The following SPON1 variants were observed in gnomAD, a reference collection of about 807,000 sequenced individuals.
SPON1 encodes spondin 1.
A neutral mutation model predicts 111.7 loss-of-function variants in SPON1; 52 were observed. The ratio of observed to expected loss-of-function variants is 0.47; its 90% CI spans 0.37 to 0.59. The LOEUF (loss-of-function observed/expected upper bound fraction) is 0.59, where lower values mean the gene tolerates loss of function less well. SPON1 is among the 20% of genes least tolerant of loss of function. SPON1 has a pLI of 0.00. For missense variants in SPON1, 957 were observed against 1,068.5 expected (o/e 0.90, Z 1.46); for synonymous variants, 410 against 395.8 (o/e 1.04, Z -0.43).
chr11:14,113,328 A>C (rs1472099842), intron 5 of SPON1, among the ~76,000 whole-genome samples: 1 of 152,170 alleles, frequency 6.6e-6, no homozygotes, highest in African/African-American at 2.4e-5. Flanking sequence ...ATGGGCTGCA[A>C]GTTTCAGAAA....
chr11:14,160,772 ATATATATT>A (rs1847924420), intron 6 of SPON1, among the ~76,000 whole-genome samples: 1 of 41,812 alleles, frequency 2.4e-5, no homozygotes, highest in Non-Finnish European at 4.0e-5. Flanking sequence ...TTATATATTT[ATATATATT>A]TTTATATATA....
intron 6 of SPON1, among the ~76,000 whole-genome samples, chr11:14,222,420 A>G (rs1323033148): frequency 2.6e-5 from 4 of 152,342 alleles, no homozygotes; most frequent in Non-Finnish European, 5.9e-5. Flanking sequence ...TCCAGTGACC[A>G]GTGACCTTGA....
chr11:14,130,976 A>G (rs1847521430), intron 5 of SPON1, among the ~76,000 whole-genome samples: 2 of 152,224 alleles, frequency 1.3e-5, no homozygotes, highest in Non-Finnish European at 2.9e-5. Flanking sequence ...GTTTGAGAAC[A>G]AACACAACAC....
intron 3 of SPON1, among the ~76,000 whole-genome samples, chr11:14,063,280 G>T (rs1009909953): frequency 6.6e-6 from 1 of 151,910 alleles, no homozygotes; most frequent in Non-Finnish European, 1.5e-5. Context: ...AAACATGAGT[G>T]GTTTACCATT....
chr11:13,970,281 C>G (rs1554908461), intron 1 of SPON1, among the ~76,000 whole-genome samples: 1 of 152,114 alleles, frequency 6.6e-6, no homozygotes, highest in African/African-American at 2.4e-5. Flanking sequence ...TTTGTGAGGT[C>G]TATGTAGAGC....
chr11:14,085,650 C>T (rs534822744), intron 5 of SPON1, among the ~76,000 whole-genome samples: 14 of 151,980 alleles, frequency 9.2e-5, no homozygotes, highest in South Asian at 6.2e-4. Flanking sequence ...TAGTTCCATA[C>T]GAAATTTAAA....
intron 13 of SPON1, 77 bp from the exon 14 acceptor site, chr11:14,260,511 G>C: frequency 6.7e-7 from 1 of 1,498,308 alleles, no homozygotes; most frequent in Non-Finnish European, 9.1e-7. Context: ...GACTCGGTGT[G>C]GAACACTGTG....
intron 2 of SPON1, among the ~76,000 whole-genome samples, chr11:13,998,128 C>T (rs1046973237): frequency 6.6e-6 from 1 of 152,304 alleles, no homozygotes. Flanking sequence ...TCAGATTCCA[C>T]TGCCTGCCCA....
At chr11:13,967,304 A>G (rs1261475165) in intron 1 of SPON1, among the ~76,000 whole-genome samples, 1 of 152,232 alleles carries the variant, frequency 6.6e-6, no homozygotes, top group Non-Finnish European at 1.5e-5. Flanking sequence ...AGAACAACAA[A>G]TCAAGATAGT....
At chr11:14,119,695 C>A (rs1220128511) in intron 5 of SPON1, among the ~76,000 whole-genome samples, 1 of 152,186 alleles carries the variant, frequency 6.6e-6, no homozygotes, top group African/African-American at 2.4e-5. Flanking sequence ...CAGACTCCTC[C>A]TGCAAGCTGT....
rs1471017524 is a variant in SPON1, at chr11:14,123,399, A to AT, written c.677-12021_677-12020insT. Among the ~76,000 whole-genome samples the AT allele has an allele frequency of 2.0e-5, 3 of 152,208 alleles. No homozygotes were observed. In the East Asian group the frequency reaches 5.8e-4, roughly 29 times the overall value. Reference sequence around the variant, plus strand: ...CTAAGCTGTGTTGGGGTAAGTCTAGAGTAGCCTTTACTCTAGGGCTAATGT... The same window carrying AT: ...CTAAGCTGTGTTGGGGTAAGTCTAGATGTAGCCTTTACTCTAGGGCTAATGT... On this transcript the variant is annotated intron_variant, in intron 5 of 15. Coordinates refer to ENST00000576479, the MANE Select transcript of SPON1 (RefSeq NM_006108.4).
intron 2 of SPON1, among the ~76,000 whole-genome samples, chr11:14,005,073 G>C (rs548515555): frequency 2.0e-5 from 3 of 152,188 alleles, no homozygotes; most frequent in African/African-American, 4.8e-5. Flanking sequence ...AAGGTTTTTA[G>C]TTTCATGTAG....
intron 6 of SPON1, among the ~76,000 whole-genome samples, chr11:14,233,287 C>A (rs1344468498): frequency 7.2e-5 from 11 of 152,160 alleles, no homozygotes; most frequent in African/African-American, 2.7e-4. Context: ...GCATCCCATG[C>A]CTTGAACCCC....
At chr11:14,067,662 A>G (rs1848843318) in intron 3 of SPON1, among the ~76,000 whole-genome samples, 1 of 152,188 alleles carries the variant, frequency 6.6e-6, no homozygotes, top group South Asian at 2.1e-4. Flanking sequence ...TTACAGACTT[A>G]GTCTCTTCCA....
At position 14,171,616 on chromosome 11, in the gene SPON1, C is replaced by T. The variant is rs527527668; in HGVS notation, c.825+36048C>T. 2.6e-5 allele frequency among the ~76,000 whole-genome samples: 4 copies of T among 152,160 alleles called. No individual in the cohort carries two copies. The South Asian group carries it at 8.3e-4, about 32-fold the overall frequency. On this transcript the variant is annotated intron_variant, in intron 6 of 15. Transcript: ENST00000576479. ...CAATTTTAGATCTTTCCTGCTTTCT[C>T]CTGTGGGCATTTAGTGCTATAAATT...
chr11:14,203,282 A>G (rs1158590825), intron 6 of SPON1, among the ~76,000 whole-genome samples: 2 of 152,160 alleles, frequency 1.3e-5, no homozygotes, highest in African/African-American at 4.8e-5. Flanking sequence ...ATATCACCCA[A>G]TCACCTCTCT....
At chr11:14,095,048 G>A (rs1354689855) in intron 5 of SPON1, among the ~76,000 whole-genome samples, 2 of 152,268 alleles carry the variant, frequency 1.3e-5, no homozygotes, top group East Asian at 3.9e-4. Flanking sequence ...GGAAATGGAG[G>A]TGCTCTTTCT....
At chr11:14,080,670 C>G (rs185161175) in intron 5 of SPON1, among the ~76,000 whole-genome samples, 1 of 152,150 alleles carries the variant, frequency 6.6e-6, no homozygotes, top group African/African-American at 2.4e-5. Context: ...CTGGAAATAG[C>G]GGCAAAAGGG....
rs1332389011 is a variant in SPON1, at chr11:14,257,316, C to T, written c.1310-400C>T. On this transcript the variant is annotated intron_variant, in intron 10 of 15. Coordinates refer to ENST00000576479, the MANE Select transcript of SPON1 (RefSeq NM_006108.4). ...ATGAGTACTCAATGAATAGCAGCTGCTCTTATTCTTACCATGACAACTGTG... is the reference window on the plus strand; with the variant it reads ...ATGAGTACTCAATGAATAGCAGCTGTTCTTATTCTTACCATGACAACTGTG... Among the ~76,000 whole-genome samples the T allele has an allele frequency of 5.3e-5, 8 of 152,132 alleles. No homozygotes were observed. In the East Asian group the frequency reaches 1.2e-3, roughly 22 times the overall value.
Sources: gnomAD v4.1 joint callset for allele counts (sites outside exome capture counted in the v4.1 genomes callset) on GRCh38, gnomAD v4.1.1 for gene constraint, MANE v1.5 for transcripts, NCBI Gene and HGNC (gene_info 2026-07-23, HGNC 2026-07-21) for gene names.